COX7B2: variants seen among roughly 807,000 people sequenced by gnomAD.
COX7B2 encodes the protein cytochrome c oxidase subunit 7B2.
For missense variants in COX7B2, 109 were observed against 95.9 expected, an observed-to-expected ratio of 1.14 and a Z score of -0.57; for synonymous variants, 37 against 32.1, an observed-to-expected ratio of 1.15 and a Z score of -0.51.
chr4:46,779,423 T>C (rs552493999), intron 2 of COX7B2, among the ~76,000 whole-genome samples: 1 of 152,350 alleles, frequency 6.6e-6, no homozygotes, highest in South Asian at 2.1e-4. Context: ...AGTCATCCAT[T>C]GATGGAAACA....
intron 2 of COX7B2, among the ~76,000 whole-genome samples, chr4:46,764,437 C>T (rs1003349313): frequency 2.6e-5 from 4 of 151,730 alleles, no homozygotes; most frequent in Non-Finnish European, 5.9e-5. Context: ...CCCAGCTACT[C>T]GGGGCTGAGG....
intron 2 of COX7B2, among the ~76,000 whole-genome samples, chr4:46,841,752 C>A (rs1715941351): frequency 6.6e-6 from 1 of 151,898 alleles, no homozygotes; most frequent in South Asian, 2.1e-4. Flanking sequence ...CCTGTTCACG[C>A]TGCATTTCTG....
At chr4:46,799,846 T>C (rs749083846) in intron 2 of COX7B2, among the ~76,000 whole-genome samples, 1 of 152,110 alleles carries the variant, frequency 6.6e-6, no homozygotes, top group African/African-American at 2.4e-5. Context: ...GGCTTTGGTA[T>C]CAAAATAATG....
At chr4:46,854,399 C>T (rs977704603) in intron 1 of COX7B2, among the ~76,000 whole-genome samples, 3 of 152,170 alleles carry the variant, frequency 2.0e-5, no homozygotes, top group Non-Finnish European at 2.9e-5. Flanking sequence ...AAATTCTTCA[C>T]GATGATATTC....
In COX7B2 at chr4:46,775,657, G is replaced by A. The variant is rs116784481; in HGVS notation, c.-49-40416C>T. Among the ~76,000 whole-genome samples, 133 of 152,114 alleles carry A rather than the reference G, an allele frequency of 8.7e-4. 5 individuals are homozygous for A. Among genetic ancestry groups the A allele is most frequent in the African/African-American group, 2.9e-3 (122 of 41,520 alleles). ...AACCTATTACAGCAGCAAGATACACGGAGAGTCAAAATCTTCCATTACGTA... is the reference window on the plus strand; with the variant it reads ...AACCTATTACAGCAGCAAGATACACAGAGAGTCAAAATCTTCCATTACGTA... On this transcript the variant is annotated intron_variant, in intron 2 of 2. Transcript: ENST00000355591.
chr4:46,901,684 C>G (rs565219029), intron 1 of COX7B2, among the ~76,000 whole-genome samples: 1 of 152,202 alleles, frequency 6.6e-6, no homozygotes, highest in Non-Finnish European at 1.5e-5. Context: ...TGCGGACTTA[C>G]GTCAGCCAAT....
At chr4:46,889,295 T>C (rs1300550822) in intron 1 of COX7B2, among the ~76,000 whole-genome samples, 1 of 152,204 alleles carries the variant, frequency 6.6e-6, no homozygotes, top group Non-Finnish European at 1.5e-5. Context: ...GATTTCAAAC[T>C]GTAGTCCTAC....
intron 1 of COX7B2, among the ~76,000 whole-genome samples, chr4:46,867,817 T>C (rs1577675917): frequency 1.3e-5 from 2 of 152,220 alleles, no homozygotes; most frequent in South Asian, 4.1e-4. Context: ...ATCAAGAATA[T>C]TGGCCTGAAG....
chr4:46,751,762 C>G (rs1715394431), intron 2 of COX7B2, among the ~76,000 whole-genome samples: 1 of 152,048 alleles, frequency 6.6e-6, no homozygotes, highest in Non-Finnish European at 1.5e-5. Flanking sequence ...GAAATTTTCT[C>G]TAGCAGAAAG....
At chr4:46,857,382 A>C (rs1717066877) in intron 1 of COX7B2, among the ~76,000 whole-genome samples, 1 of 152,216 alleles carries the variant, frequency 6.6e-6, no homozygotes. Flanking sequence ...ATATCATAAA[A>C]AGCAAAATTT....
intron 1 of COX7B2, among the ~76,000 whole-genome samples, chr4:46,859,448 G>A (rs1263427226): frequency 6.6e-6 from 1 of 152,120 alleles, no homozygotes; most frequent in African/African-American, 2.4e-5. Flanking sequence ...TCACATCTCT[G>A]AGCTCTACCT....
intron 1 of COX7B2, among the ~76,000 whole-genome samples, chr4:46,846,394 G>C (rs957602392): frequency 3.9e-5 from 6 of 152,006 alleles, no homozygotes; most frequent in Non-Finnish European, 5.9e-5. Flanking sequence ...GGAAAAAAAG[G>C]AGAAGGGAGA....
At chr4:46,778,744 A>G (rs1386232960) in intron 2 of COX7B2, among the ~76,000 whole-genome samples, 1 of 152,156 alleles carries the variant, frequency 6.6e-6, no homozygotes, top group African/African-American at 2.4e-5. Context: ...CATCAGTATT[A>G]AAGTATTTGC....
chr4:46,870,826 T>C (rs930648073), intron 1 of COX7B2, among the ~76,000 whole-genome samples: 1 of 151,990 alleles, frequency 6.6e-6, no homozygotes, highest in African/African-American at 2.4e-5. Context: ...GCACTTGTAA[T>C]TGAATCATAG....
chr4:46,817,610 C>A (rs1358647579), intron 2 of COX7B2, among the ~76,000 whole-genome samples: 3 of 152,110 alleles, frequency 2.0e-5, no homozygotes, highest in Non-Finnish European at 4.4e-5. Flanking sequence ...AAGTCATAAT[C>A]CTAGGTCACA....
At chr4:46,860,149 T>G (rs1262336882) in intron 1 of COX7B2, among the ~76,000 whole-genome samples, 1 of 151,932 alleles carries the variant, frequency 6.6e-6, no homozygotes, top group African/African-American at 2.4e-5. Context: ...AAATAGAAGG[T>G]TAGAAGATGG....
intron 1 of COX7B2, among the ~76,000 whole-genome samples, chr4:46,864,718 C>T (rs1717549878): frequency 6.6e-6 from 1 of 151,888 alleles, no homozygotes; most frequent in Middle Eastern, 3.2e-3. Flanking sequence ...GATCTAGGCT[C>T]ACTGCAAGCT....
intron 1 of COX7B2, among the ~76,000 whole-genome samples, chr4:46,888,126 C>T (rs10938462): frequency 0.12 from 18,594 of 152,124 alleles, 1,682 homozygotes; most frequent in East Asian, 0.31. Context: ...GCATTAGGAG[C>T]TCAACAGGAG....
At chr4:46,843,945 T>A (rs1716103872) in intron 2 of COX7B2, among the ~76,000 whole-genome samples, 1 of 151,996 alleles carries the variant, frequency 6.6e-6, no homozygotes, top group South Asian at 2.1e-4. Flanking sequence ...TGGTGGCAGG[T>A]AATAAATAAG....
Sources: gnomAD v4.1 joint callset for allele counts (sites outside exome capture counted in the v4.1 genomes callset) on GRCh38, gnomAD v4.1.1 for gene constraint, MANE v1.5 for transcripts, NCBI Gene and HGNC (gene_info 2026-07-23, HGNC 2026-07-21) for gene names.